The following LMTK2 variants were observed in gnomAD, a reference collection of about 807,000 sequenced individuals.
LMTK2 encodes the protein serine/threonine-protein kinase LMTK2.
Under a neutral mutation model 127.5 loss-of-function variants are expected in LMTK2, and 37 were observed. The observed-to-expected ratio is 0.29, with a 90% CI of 0.22 to 0.38. The LOEUF (loss-of-function observed/expected upper bound fraction) is 0.38, where lower values mean the gene tolerates loss of function less well. Among genes scored for constraint, LMTK2 ranks in the 10% least tolerant of loss-of-function variants. The pLI is 1.00. For synonymous variants in LMTK2, 819 were observed against 810.1 expected (o/e 1.01, Z -0.19); for missense variants, 1,694 against 1,920.3 (o/e 0.88, Z 2.20).
At chr7:98,142,475 C>T (rs1458710853) in intron 3 of LMTK2, among the ~76,000 whole-genome samples, 1 of 151,646 alleles carries the variant, frequency 6.6e-6, no homozygotes, top group Non-Finnish European at 1.5e-5. Flanking sequence ...ACCCCTACTC[C>T]AACCAAAATA....
intron 6 of LMTK2, among the ~76,000 whole-genome samples, chr7:98,165,218 C>T (rs1173516471): frequency 1.3e-5 from 2 of 152,234 alleles, no homozygotes; most frequent in Non-Finnish European, 2.9e-5. Context: ...TGAGGAAGCT[C>T]TGAGCATTCT....
chr7:98,198,958 A>C (rs1397221336), intron 11 of LMTK2, among the ~76,000 whole-genome samples: 1 of 152,130 alleles, frequency 6.6e-6, no homozygotes, highest in Non-Finnish European at 1.5e-5. Flanking sequence ...ATAATTAATA[A>C]TTACTAATAA....
chr7:98,115,636 C>T (rs1485469936), intron 1 of LMTK2, among the ~76,000 whole-genome samples: 8 of 151,662 alleles, frequency 5.3e-5, no homozygotes, highest in Non-Finnish European at 1.2e-4. Flanking sequence ...GGTGAAACCC[C>T]GTCTCTACTA....
intron 11 of LMTK2, among the ~76,000 whole-genome samples, 153 bp from the exon 12 acceptor site, chr7:98,203,421 T>G (rs559549459): frequency 2.9e-4 from 44 of 152,348 alleles, no homozygotes; most frequent in African/African-American, 8.4e-4. Context: ...GGGCCTAGTG[T>G]CTGTCCGTCC....
rs1562920468 is a variant in LMTK2 at position 98,192,027 on chromosome 7, A to G, written c.1562A>G (p.Lys521Arg). The G allele has an allele frequency of 1.2e-6, 2 of 1,607,832 alleles. No individual in the cohort carries two copies. Among genetic ancestry groups the G allele is most frequent in the Non-Finnish European group, 1.7e-6 (2 of 1,175,068 alleles). Residue 521 changes from lysine to arginine, a missense_variant, in exon 11 of 14, where the codon AAG (lysine) becomes AGG (arginine). Around this residue, in one of 8 missense-constraint regions of LMTK2, gnomAD observed 216 missense variants for 266.8 expected, o/e 0.81. Transcript: ENST00000297293. The stretch of plus-strand genomic sequence containing the variant: ...TCGCTTTCAGATCCTGGGCCCGGAA[A>G]GCAAGATGACAGCGGCCAGGATGTC... ...ESSLSDPGPG[K>R]QDDSGQDVPL...
At chr7:98,172,837 A>C (rs1156599549) in intron 7 of LMTK2, among the ~76,000 whole-genome samples, 2 of 152,106 alleles carry the variant, frequency 1.3e-5, no homozygotes, top group African/African-American at 4.8e-5. Flanking sequence ...GGCTCACTAC[A>C]ACCTCCACCG....
intron 3 of LMTK2, among the ~76,000 whole-genome samples, chr7:98,148,454 C>T (rs1207328786): frequency 6.7e-6 from 1 of 148,618 alleles, no homozygotes; most frequent in Non-Finnish European, 1.5e-5. Flanking sequence ...GATTGCTCCA[C>T]TGCACTCCAG....
chr7:98,194,241 C>T lies in LMTK2; in HGVS notation c.3776C>T (p.Pro1259Leu), dbSNP rs767077411. The T allele has an allele frequency of 1.1e-5, 17 of 1,613,988 alleles. No homozygotes were observed. Among genetic ancestry groups the T allele is most frequent in the Admixed American group, 1.7e-5 (1 of 59,998 alleles). Residue 1259 changes from proline to leucine, a missense_variant, in exon 11 of 14, where the codon CCG (proline) becomes CTG (leucine). This residue lies in a region of LMTK2 where 554 missense variants were observed against 567.7 expected (regional missense o/e 0.98). Transcript: ENST00000297293. The surrounding 1 kb of genome is among the most constrained non-coding windows in gnomAD (Gnocchi z 5.4). ...TCCGAGGGCCCGAAGTTGAAGGAGCCGGACATCGAAGGGAAGTACCTGGGG... is the reference window on the plus strand; with the variant it reads ...TCCGAGGGCCCGAAGTTGAAGGAGCTGGACATCGAAGGGAAGTACCTGGGG... Reference protein sequence around the residue: ...SHSEGPKLKEPDIEGKYLGKL... With the variant: ...SHSEGPKLKELDIEGKYLGKL...
intron 1 of LMTK2, among the ~76,000 whole-genome samples, chr7:98,118,524 C>CT (rs1041677410): frequency 6.6e-5 from 10 of 151,266 alleles, no homozygotes; most frequent in African/African-American, 1.7e-4. Flanking sequence ...CTTTGCTTTG[C>CT]TTTTTTTTTC....
intron 7 of LMTK2, among the ~76,000 whole-genome samples, chr7:98,179,602 C>CCTCCCTCCCTCT (rs1797324458): frequency 6.7e-6 from 1 of 148,404 alleles, no homozygotes; most frequent in African/African-American, 2.5e-5. Flanking sequence ...TCCCTCTCTC[C>CCTCCCTCCCTCT]CTCCCTCCCT....
At chr7:98,203,814 G>T in intron 12 of LMTK2, 108 bp downstream of exon 12, 1 of 1,569,424 alleles carries the variant, frequency 6.4e-7, no homozygotes, top group Non-Finnish European at 8.7e-7. Context: ...CCTGACATGG[G>T]CACAGAACTG....
rs1796853823 is a variant in LMTK2, at chr7:98,151,455, G to T, written c.450G>T (p.Lys150Asn). The stretch of plus-strand genomic sequence containing the variant: ...AAATTGGAAATGGCTGGTTTGGAAA[G>T]GTAAGATGCTCTTCACTTGCATTTG... ...IQEIGNGWFG[K>N]VLLGEIYTGT... is the part of the protein sequence containing the mutation. The change falls in exon 4 of 14, where the codon AAG (lysine) becomes AAT (asparagine). Residue 150 changes from lysine to asparagine, a missense_variant and splice_region_variant. By Grantham distance (94) the Lys-to-Asn change is moderately conservative. Around this residue, in one of 8 missense-constraint regions of LMTK2, gnomAD observed 203 missense variants for 226.2 expected, o/e 0.90. Transcript: ENST00000297293. 2 of 1,610,052 alleles carry T rather than the reference G, an allele frequency of 1.2e-6. No homozygotes were observed. The highest frequency in any genetic ancestry group is 2.2e-5 in the East Asian group (1 of 44,842).
chr7:98,122,541 A>G (rs1231280336), intron 1 of LMTK2, among the ~76,000 whole-genome samples: 20 of 152,112 alleles, frequency 1.3e-4, no homozygotes, highest in Admixed American at 1.2e-3. Flanking sequence ...AAAACAAGGC[A>G]TTGTGACCCA....
intron 2 of LMTK2, among the ~76,000 whole-genome samples, chr7:98,138,283 G>GA (rs764080931): frequency 2.6e-5 from 4 of 151,866 alleles, no homozygotes; most frequent in Non-Finnish European, 4.4e-5. Flanking sequence ...CAAATTGAGG[G>GA]AAAAAAAAGG....
chr7:98,185,346 A>G (rs1797418527), intron 8 of LMTK2, among the ~76,000 whole-genome samples: 1 of 152,210 alleles, frequency 6.6e-6, no homozygotes, highest in South Asian at 2.1e-4. Context: ...ACAGCTTTCC[A>G]AAAGTTTCGT....
intron 1 of LMTK2, among the ~76,000 whole-genome samples, chr7:98,127,558 G>T (rs1436491060): frequency 6.6e-6 from 1 of 152,228 alleles, no homozygotes; most frequent in African/African-American, 2.4e-5. Flanking sequence ...CCTGGCCCTT[G>T]CTTTACACTT....
intron 1 of LMTK2, among the ~76,000 whole-genome samples, chr7:98,131,012 T>G (rs1469312685): frequency 2.0e-5 from 3 of 152,196 alleles, no homozygotes; most frequent in Non-Finnish European, 4.4e-5. Context: ...ACATAGATAC[T>G]GTAATGAATT....
chr7:98,109,743 C>CAAAAAAA (rs1156337163), intron 1 of LMTK2, among the ~76,000 whole-genome samples: 1 of 53,300 alleles, frequency 1.9e-5, no homozygotes, highest in Admixed American at 1.8e-4. Context: ...GACTCCGTCT[C>CAAAAAAA]AAAAAAAAAA....
chr7:98,157,838 C>T (rs912549130), intron 5 of LMTK2, among the ~76,000 whole-genome samples: 1 of 152,052 alleles, frequency 6.6e-6, no homozygotes, highest in Non-Finnish European at 1.5e-5. Context: ...ATGGGTGGGG[C>T]GGGAAGATCT....
Sources: gnomAD v4.1 joint callset for allele counts (sites outside exome capture counted in the v4.1 genomes callset) on GRCh38, gnomAD v4.1.1 for gene constraint, gnomAD v4.1.1 regional missense constraint, Gnocchi (gnomAD v3.1) non-coding constraint, MANE v1.5 for transcripts, NCBI Gene and HGNC (gene_info 2026-07-23, HGNC 2026-07-21) for gene names.